The following IL1RAPL2 variants were observed in gnomAD, a reference collection of about 807,000 sequenced individuals.
IL1RAPL2 encodes the protein interleukin 1 receptor accessory protein like 2.
Under a neutral mutation model 44.1 loss-of-function variants are expected in IL1RAPL2, and 3 were observed. The ratio of observed to expected loss-of-function variants is 0.07; its 90% CI spans 0.03 to 0.18. The LOEUF is 0.18. Ranked by LOEUF, IL1RAPL2 falls within the 10% of genes least tolerant of loss-of-function variation. The pLI is 1.00. For missense variants in IL1RAPL2, 391 were observed against 496.4 expected, an observed-to-expected ratio of 0.79 and a Z score of 2.02; for synonymous variants, 181 against 178.8, an observed-to-expected ratio of 1.01 and a Z score of -0.10.
intron 5 of IL1RAPL2, among the ~76,000 whole-genome samples, chrX:105,374,804 C>T (rs758327249): frequency 2.2e-4 from 24 of 107,956 alleles, no homozygotes; most frequent in Non-Finnish European, 3.1e-4. Context: ...AAAAATTAGC[C>T]GGGCGCGGTG....
At chrX:105,278,589 G>C (rs1181320965) in intron 5 of IL1RAPL2, among the ~76,000 whole-genome samples, 1 of 111,774 alleles carries the variant, frequency 8.9e-6, no homozygotes, top group African/African-American at 3.3e-5. Flanking sequence ...ATCCAATAGA[G>C]TAGAGCAGAT....
chrX:104,970,597 G>A (rs1602860646), intron 2 of IL1RAPL2, among the ~76,000 whole-genome samples: 1 of 111,865 alleles, frequency 8.9e-6, no homozygotes, highest in Non-Finnish European at 1.9e-5. Flanking sequence ...GGAAAGGGGC[G>A]CTAACTTCTG....
intron 5 of IL1RAPL2, among the ~76,000 whole-genome samples, chrX:105,277,600 A>G (rs2034496156): frequency 9.0e-6 from 1 of 111,448 alleles, no homozygotes; most frequent in Admixed American, 9.5e-5. Flanking sequence ...AAAATTCATG[A>G]CTGATAAAGA....
At chrX:104,971,782 G>C (rs912920375) in intron 2 of IL1RAPL2, among the ~76,000 whole-genome samples, 2 of 111,275 alleles carry the variant, frequency 1.8e-5, no homozygotes, top group Non-Finnish European at 3.8e-5. Context: ...ATTCCTGCCA[G>C]AGTTAATCCT....
At chrX:105,598,222 A>G (rs751060680) in intron 6 of IL1RAPL2, among the ~76,000 whole-genome samples, 8 of 110,989 alleles carry the variant, frequency 7.2e-5, no homozygotes, top group Non-Finnish European at 1.5e-4. Flanking sequence ...AAAATGCTGC[A>G]TGATAAATCT....
At chrX:105,405,694 G>A (rs2035638727) in intron 5 of IL1RAPL2, 1 of 997,067 alleles carries the variant, frequency 1.0e-6, no homozygotes, top group African/African-American at 1.8e-5. Flanking sequence ...AGAACGGAAA[G>A]AGTAAGAGAC....
At chrX:105,078,170 AC>A (rs2032340945) in intron 2 of IL1RAPL2, among the ~76,000 whole-genome samples, 1 of 110,497 alleles carries the variant, frequency 9.1e-6, no homozygotes, top group East Asian at 2.8e-4. Context: ...GGCTTTATCT[AC>A]CTTTGATCTT....
At chrX:105,630,393 A>G (rs1444599931) in intron 6 of IL1RAPL2, among the ~76,000 whole-genome samples, 2 of 111,344 alleles carry the variant, frequency 1.8e-5, no homozygotes, top group Admixed American at 1.9e-4. Flanking sequence ...AATTTTATAG[A>G]TGCAGAAGTG....
chrX:105,600,018 T>C (rs2037239093), intron 6 of IL1RAPL2, among the ~76,000 whole-genome samples: 3 of 109,403 alleles, frequency 2.7e-5, no homozygotes, highest in Admixed American at 9.6e-5. Flanking sequence ...TATGCATAGG[T>C]ATATATGTAT....
rs192384489 is a variant in IL1RAPL2 at position 104,681,113 on chromosome X, C to A, written c.82+22118C>A. ...TTCAATTTTACTAACTTCTGTCTTG[C>A]TTCATATGAAAGCTTTTAAATTGAT... On this transcript the variant is annotated intron_variant, in intron 2 of 10. Coordinates refer to ENST00000372582, the MANE Select transcript of IL1RAPL2 (RefSeq NM_017416.2). Among the ~76,000 whole-genome samples the A allele has an allele frequency of 5.4e-5, 6 of 111,896 alleles. No individual in the cohort carries two copies. The East Asian group carries it at 1.4e-3, about 26-fold the overall frequency.
chrX:104,702,455 T>TA (rs912467088), intron 2 of IL1RAPL2, among the ~76,000 whole-genome samples: 2 of 111,760 alleles, frequency 1.8e-5, no homozygotes, highest in African/African-American at 6.5e-5. Flanking sequence ...ACAAAAAACA[T>TA]AAAAAAAGAA....
rs72616885 is a variant in IL1RAPL2, at chrX:105,086,999, T to C, written c.83-108476T>C. The stretch of plus-strand genomic sequence containing the variant: ...TCTTCACAATCCTATTATTAACAGA[T>C]TTTTAAAAAAACCCTCAGGCATAGA... On this transcript the variant is annotated intron_variant, in intron 2 of 10. Coordinates refer to ENST00000372582, the MANE Select transcript of IL1RAPL2 (RefSeq NM_017416.2). Among the ~76,000 whole-genome samples the C allele has an allele frequency of 2.5e-3, 272 of 109,952 alleles. 6 individuals carry two copies. In the East Asian group the frequency reaches 0.067, roughly 27 times the overall value.
intron 6 of IL1RAPL2, among the ~76,000 whole-genome samples, chrX:105,608,063 G>A (rs116278863): frequency 0.01 from 1,165 of 111,339 alleles, 23 homozygotes; most frequent in African/African-American, 0.036. Context: ...AACTGTGAAG[G>A]AATGATAGGA....
intron 6 of IL1RAPL2, among the ~76,000 whole-genome samples, chrX:105,709,170 G>A (rs1326554495): frequency 1.8e-5 from 2 of 112,011 alleles, no homozygotes; most frequent in Non-Finnish European, 3.8e-5. Context: ...GCCAAGATCA[G>A]CAGAGCCAAC....
chrX:104,644,423 TC>T (rs2148017187), intron 1 of IL1RAPL2, among the ~76,000 whole-genome samples: 1 of 111,704 alleles, frequency 9.0e-6, no homozygotes, highest in African/African-American at 3.2e-5. Flanking sequence ...AGATGGCAAC[TC>T]CCCACCATAA....
intron 6 of IL1RAPL2, among the ~76,000 whole-genome samples, chrX:105,556,183 C>T (rs1434079374): frequency 8.9e-6 from 1 of 111,830 alleles, no homozygotes; most frequent in Admixed American, 9.5e-5. Context: ...CATAGGGGGA[C>T]AGTACGAGAA....
chrX:105,692,416 T>G, intron 6 of IL1RAPL2, among the ~76,000 whole-genome samples: 1 of 111,585 alleles, frequency 9.0e-6, no homozygotes, highest in Non-Finnish European at 1.9e-5. Context: ...TGTATTTTAA[T>G]AAGTTGATTA....
At chrX:105,214,154 C>T (rs1462857108) in intron 3 of IL1RAPL2, among the ~76,000 whole-genome samples, 2 of 98,357 alleles carry the variant, frequency 2.0e-5, no homozygotes, top group Non-Finnish European at 4.1e-5. Context: ...CTAAATGCCC[C>T]AATTAAAAGA....
At chrX:105,218,866 C>G in intron 3 of IL1RAPL2, 5 of 719,479 alleles carry the variant, frequency 6.9e-6, no homozygotes, top group East Asian at 3.4e-5. Context: ...CAGCCTTCTT[C>G]CCCTACCACC....
Sources: allele counts gnomAD v4.1 joint callset (sites outside exome capture counted in the v4.1 genomes callset), GRCh38; gene constraint gnomAD v4.1.1; transcripts MANE v1.5; gene names NCBI Gene and HGNC (gene_info 2026-07-23, HGNC 2026-07-21).